Variants in TMC2 observed in about 807,000 individuals in gnomAD.
The protein encoded by TMC2 is transmembrane channel-like protein 2.
Under a neutral mutation model 105.9 loss-of-function variants are expected in TMC2, and 102 were observed. The observed-to-expected ratio is 0.96, with a 90% CI of 0.82 to 1.14. The LOEUF (loss-of-function observed/expected upper bound fraction) is 1.14. Among genes scored for constraint, TMC2 ranks in the 50% most tolerant of loss-of-function variants. TMC2 has a pLI of 0.00. For missense variants in TMC2, 1,093 were observed against 1,134.3 expected (o/e 0.96, Z 0.52); for synonymous variants, 402 against 422.8 (o/e 0.95, Z 0.60).
chr20:2,588,717 G>GTGTGTGTGTGTGTC (rs1213895827), intron 7 of TMC2, among the ~76,000 whole-genome samples: 9 of 151,796 alleles, frequency 5.9e-5, no homozygotes, highest in South Asian at 4.2e-4. Context: ...GTGTGTGTGT[G>GTGTGTGTGTGTGTC]TGTGTCTTGT....
At chr20:2,576,031 C>G (rs2086142101) in intron 5 of TMC2, among the ~76,000 whole-genome samples, 1 of 152,150 alleles carries the variant, frequency 6.6e-6, no homozygotes, top group East Asian at 1.9e-4. Context: ...GAAATGTTTT[C>G]CACAAATATC....
chr20:2,595,531 A>G (rs1004305151), intron 9 of TMC2, among the ~76,000 whole-genome samples: 1 of 151,352 alleles, frequency 6.6e-6, no homozygotes, highest in Non-Finnish European at 1.5e-5. Flanking sequence ...TCTGGCCCCA[A>G]CTCTACTTGT....
intron 17 of TMC2, among the ~76,000 whole-genome samples, chr20:2,629,187 G>T (rs1258371407): frequency 6.6e-6 from 1 of 151,992 alleles, no homozygotes; most frequent in Non-Finnish European, 1.5e-5. Context: ...AATCTTCCAG[G>T]TCATTTTCTC....
At chr20:2,604,013 T>A (rs1353599567) in intron 11 of TMC2, among the ~76,000 whole-genome samples, 2 of 152,156 alleles carry the variant, frequency 1.3e-5, no homozygotes, top group Non-Finnish European at 2.9e-5. Flanking sequence ...CAGGCAGTAA[T>A]AAGAGGGAGG....
At chr20:2,640,349 C>T (rs1382022133) in intron 19 of TMC2, among the ~76,000 whole-genome samples, 1 of 152,098 alleles carries the variant, frequency 6.6e-6, no homozygotes, top group African/African-American at 2.4e-5. Context: ...GAATTTTATT[C>T]ATTTTTTATT....
At chr20:2,580,227 CA>C (rs148872775) in intron 7 of TMC2, among the ~76,000 whole-genome samples, 171 bp downstream of exon 7, 5,525 of 151,946 alleles carry the variant, frequency 0.036, 305 homozygotes, top group African/African-American at 0.12. Flanking sequence ...AATTTTTTGC[CA>C]TTAAAAGTAA....
chr20:2,630,143 T>C (rs979094747), intron 17 of TMC2, among the ~76,000 whole-genome samples: 7 of 152,218 alleles, frequency 4.6e-5, no homozygotes, highest in Admixed American at 3.3e-4. Context: ...ATTAGGATTG[T>C]AGAAGACAAT....
chr20:2,624,971 C>T (rs2086553877), intron 17 of TMC2, among the ~76,000 whole-genome samples: 1 of 152,132 alleles, frequency 6.6e-6, no homozygotes, highest in African/African-American at 2.4e-5. Context: ...TACACTGGAA[C>T]AAGCTGGTTC....
chr20:2,554,176 C>T (rs1032203173), intron 2 of TMC2, among the ~76,000 whole-genome samples: 4 of 152,262 alleles, frequency 2.6e-5, no homozygotes, highest in South Asian at 2.1e-4. Flanking sequence ...CATGAGCCAA[C>T]GTGCCCAGCC....
chr20:2,564,506 T>A (rs2086050809), intron 4 of TMC2, among the ~76,000 whole-genome samples: 1 of 152,160 alleles, frequency 6.6e-6, no homozygotes, highest in South Asian at 2.1e-4. Flanking sequence ...GGGCTCCTTC[T>A]CCTGCCAGCA....
chr20:2,561,967 C>T lies in TMC2; in HGVS notation c.511C>T (p.Arg171Trp), dbSNP rs144617649. Reference protein sequence around the residue: ...EEKKKLIATMRSKPWPMAKKL... With the variant: ...EEKKKLIATMWSKPWPMAKKL... ...AAAAAAGAAGCTCATTGCCACCATG[C>T]GGAGCAAGCCCTGGCCCATGGCGAA... Residue 171 changes from arginine (R) to tryptophan (W), a missense_variant, in exon 4 of 20, where the codon CGG (arginine) becomes TGG (tryptophan). Physicochemically the swap from Arg to Trp is moderately radical, Grantham distance 101 (BLOSUM62 -3). Transcript: ENST00000358864. 6.4e-5 allele frequency: 104 copies of T among 1,614,220 alleles called. No individual in the cohort carries two copies. The highest frequency in any genetic ancestry group is 8.1e-5 in the Non-Finnish European group (96 of 1,180,014).
chr20:2,556,098 A>AT (rs981520603), intron 2 of TMC2, among the ~76,000 whole-genome samples: 120 of 151,178 alleles, frequency 7.9e-4, no homozygotes, highest in African/African-American at 2.7e-3. Context: ...TTTTATTTTT[A>AT]TTTTTTTTGA....
At chr20:2,619,736 C>T (rs925159669) in intron 16 of TMC2, among the ~76,000 whole-genome samples, 3 of 152,090 alleles carry the variant, frequency 2.0e-5, no homozygotes, top group Non-Finnish European at 2.9e-5. Context: ...AAAGGAGAAC[C>T]GAATGGAAGA....
intron 4 of TMC2, among the ~76,000 whole-genome samples, chr20:2,562,320 A>G (rs1378343596): frequency 2.0e-5 from 3 of 152,180 alleles, no homozygotes; most frequent in Non-Finnish European, 4.4e-5. Flanking sequence ...TCACAGCCCA[A>G]CAGAGACATG....
chr20:2,626,770 A>G (rs1489088599), intron 17 of TMC2, among the ~76,000 whole-genome samples: 1 of 152,256 alleles, frequency 6.6e-6, no homozygotes, highest in Non-Finnish European at 1.5e-5. Context: ...CTGAAAGCCT[A>G]CAGTGTTTAC....
chr20:2,574,033 G>A (rs2066015402), intron 5 of TMC2, among the ~76,000 whole-genome samples: 1 of 152,106 alleles, frequency 6.6e-6, no homozygotes, highest in African/African-American at 2.4e-5. Context: ...TCACTTTAAT[G>A]AGAATGACTC....
At position 2,589,779 on chromosome 20, in the gene TMC2, C is replaced by T. The variant is rs56716860; in HGVS notation, c.835-2531C>T. Reference sequence around the variant, plus strand: ...CCGCCTCCCAGGTTCACGCCATTCTCCTGCCTCAGCCTCCCAAGTAGCTGG... The same window carrying T: ...CCGCCTCCCAGGTTCACGCCATTCTTCTGCCTCAGCCTCCCAAGTAGCTGG... On this transcript the variant is annotated intron_variant, in intron 7 of 19. Transcript: ENST00000358864. Among the ~76,000 whole-genome samples the T allele has an allele frequency of 1.2e-4, 18 of 152,320 alleles. No individual in the cohort carries two copies. In the East Asian group the frequency reaches 3.5e-3, roughly 29 times the overall value.
At chr20:2,617,018 C>T in intron 15 of TMC2, 54 bp from the exon 16 acceptor site, 1 of 1,609,136 alleles carries the variant, frequency 6.2e-7, no homozygotes, top group African/African-American at 1.3e-5. Context: ...TATCACCCTT[C>T]CCTCGCCTTC....
intron 17 of TMC2, among the ~76,000 whole-genome samples, chr20:2,626,997 A>G (rs1033089820): frequency 6.6e-6 from 1 of 152,208 alleles, no homozygotes; most frequent in Non-Finnish European, 1.5e-5. Flanking sequence ...ACGATTGGTC[A>G]GCTGTTTGAT....
Sources: gnomAD v4.1 joint callset for allele counts (sites outside exome capture counted in the v4.1 genomes callset) on GRCh38, gnomAD v4.1.1 for gene constraint, MANE v1.5 for transcripts, NCBI Gene and HGNC (gene_info 2026-07-23, HGNC 2026-07-21) for gene names.